Variants in RNF213 observed in about 807,000 individuals in gnomAD.
The protein encoded by RNF213 is E3 ubiquitin-protein ligase RNF213.
Under a neutral mutation model 514.4 loss-of-function variants are expected in RNF213, and 341 were observed. The ratio of observed to expected loss-of-function variants is 0.66; its 90% CI spans 0.61 to 0.73. The LOEUF is 0.73. Ranked by LOEUF, RNF213 falls within the 30% of genes least tolerant of loss-of-function variation. The pLI, the probability that RNF213 is intolerant of heterozygous loss-of-function variation, is 0.00. For missense variants in RNF213, 5,767 were observed against 6,615.6 expected, an observed-to-expected ratio of 0.87 and a Z score of 4.45; for synonymous variants, 2,655 against 2,658.2, an observed-to-expected ratio of 1.00 and a Z score of 0.04.
intron 22 of RNF213, among the ~76,000 whole-genome samples, chr17:80,335,085 C>A (rs2077950027): frequency 6.6e-6 from 1 of 152,158 alleles, no homozygotes; most frequent in East Asian, 1.9e-4. Flanking sequence ...CCACACCCAG[C>A]TACTTTTTTG....
chr17:80,365,912 T>C (rs956588985), intron 42 of RNF213, among the ~76,000 whole-genome samples: 8 of 152,118 alleles, frequency 5.3e-5, no homozygotes, highest in African/African-American at 9.7e-5. Flanking sequence ...CCCACAGGAT[T>C]TGGGAGGTTA....
chr17:80,360,113 G>A lies in RNF213; in HGVS notation c.11107G>A (p.Glu3703Lys), dbSNP rs771794678. ...GGTGCAGAACCACATGAACCTTTCC[G>A]AGAACGCTTCCAACAACGTCCCTTT... The part of the protein sequence containing the change: ...IVVQNHMNLS[E>K]NASNNVPFSW... The change falls in exon 38 of 68, where the codon GAG becomes AAG. Residue 3703 changes from glutamate (E) to lysine (K), a missense_variant. Physicochemically the swap from Glu to Lys is moderately conservative, Grantham distance 56. This residue lies in a region of RNF213 where 919 missense variants were observed against 1,121.0 expected (regional missense o/e 0.82). Coordinates refer to ENST00000582970, the MANE Select transcript of RNF213 (RefSeq NM_001256071.3). The A allele has an allele frequency of 3.7e-6, 6 of 1,614,072 alleles. No individual in the cohort carries two copies. The highest frequency in any genetic ancestry group is 2.2e-5 in the South Asian group (2 of 91,072).
intron 18 of RNF213, 103 bp from the exon 19 acceptor site, chr17:80,327,713 G>A (rs1955293647): frequency 1.0e-6 from 1 of 972,622 alleles, no homozygotes; most frequent in Non-Finnish European, 1.5e-6. Flanking sequence ...TGTGTTTGAG[G>A]AAGTGGGGGC....
Position 80,356,396 on chromosome 17 carries a change from C to T in RNF213, c.10862+1820C>T, listed in dbSNP as rs550439607. Among the ~76,000 whole-genome samples, 17 of 152,364 alleles carry T rather than the reference C, an allele frequency of 1.1e-4. No individual in the cohort carries two copies. The South Asian group carries it at 3.1e-3, about 28-fold the overall frequency. On this transcript the variant is annotated intron_variant, in intron 36 of 67. Transcript: ENST00000582970. ...GCTCTTCCCCACTCTGCTGTTCACG[C>T]AGCACTAGGCCTGGCTCCGTCGTGT...
intron 60 of RNF213, 28 bp from the exon 61 acceptor site, chr17:80,385,510 G>T: frequency 1.2e-6 from 2 of 1,606,264 alleles, no homozygotes; most frequent in African/African-American, 1.3e-5. Context: ...GCTATCATAC[G>T]GTTCTTACCA....
At chr17:80,302,170 CA>C (rs1240608868) in intron 11 of RNF213, among the ~76,000 whole-genome samples, 1 of 152,074 alleles carries the variant, frequency 6.6e-6, no homozygotes, top group Non-Finnish European at 1.5e-5. Context: ...CTAGTGGATA[CA>C]AAAGTATGGC....
At chr17:80,273,156 T>C (rs552852898) in intron 2 of RNF213, 85 bp from the exon 3 acceptor site, 2 of 1,542,994 alleles carry the variant, frequency 1.3e-6, no homozygotes, top group Non-Finnish European at 8.9e-7. Flanking sequence ...AATCTCTCCA[T>C]GCACTCGTGG....
chr17:80,376,962 C>T lies in RNF213; in HGVS notation c.13509C>T (p.Tyr4503=), dbSNP rs147452490. 7 of 1,612,332 alleles carry T rather than the reference C, an allele frequency of 4.3e-6. No homozygotes were observed. The highest frequency in any genetic ancestry group is 5.9e-6 in the Non-Finnish European group (7 of 1,178,530). ...RWKGLERVHW[Y]TCPNGHPCSV... is the part of the protein sequence containing the mutation. Reference sequence around the variant, plus strand: ...AGGGTCTGGAGCGAGTCCACTGGTACAGTAAGTGTTGGGGTCTAGATGACC... The same window carrying T: ...AGGGTCTGGAGCGAGTCCACTGGTATAGTAAGTGTTGGGGTCTAGATGACC... Residue 4503 remains tyrosine, a splice_region_variant and synonymous_variant, in exon 53 of 68, where the codon TAC becomes TAT. Coordinates refer to ENST00000582970, the MANE Select transcript of RNF213 (RefSeq NM_001256071.3).
intron 15 of RNF213, among the ~76,000 whole-genome samples, chr17:80,314,307 A>G (rs1198266766): frequency 1.9e-4 from 10 of 51,624 alleles, no homozygotes; most frequent in South Asian, 1.9e-3. Flanking sequence ...GGTGGACGTG[A>G]TGGTGGAGGT....
intron 64 of RNF213, chr17:80,388,917 T>C (rs1008293644): frequency 1.4e-5 from 9 of 623,764 alleles, no homozygotes; most frequent in Middle Eastern, 4.2e-4. Flanking sequence ...TGTTGATGCA[T>C]GGCCATGCCT....
At chr17:80,277,595 C>CAAA (rs34659718) in intron 3 of RNF213, among the ~76,000 whole-genome samples, 28 of 69,662 alleles carry the variant, frequency 4.0e-4, no homozygotes, top group East Asian at 7.7e-4. Flanking sequence ...GACTCTGTCT[C>CAAA]AAAAAAAAAA....
chr17:80,310,892 G>C (rs139845061), intron 14 of RNF213, among the ~76,000 whole-genome samples: 2 of 152,236 alleles, frequency 1.3e-5, no homozygotes, highest in African/African-American at 4.8e-5. Context: ...GAACTGTGAC[G>C]TTAGTGATAG....
chr17:80,273,437 C>G (rs780660287), intron 3 of RNF213, 33 bp downstream of exon 3: 10 of 1,609,156 alleles, frequency 6.2e-6, no homozygotes, highest in Non-Finnish European at 8.5e-6. Flanking sequence ...CCTCCGCCCC[C>G]GCTCACTCTG....
intron 63 of RNF213, among the ~76,000 whole-genome samples, chr17:80,387,864 C>T (rs1452215313): frequency 6.6e-6 from 1 of 152,172 alleles, no homozygotes; most frequent in Non-Finnish European, 1.5e-5. Flanking sequence ...TTTGACTGGA[C>T]GCACTTGTTC....
intron 46 of RNF213, 34 bp from the exon 47 acceptor site, chr17:80,371,840 G>T: frequency 9.0e-7 from 1 of 1,114,108 alleles, no homozygotes; most frequent in South Asian, 1.3e-5. Context: ...CTCCAGATCT[G>T]AGAGAACCAG....
chr17:80,377,022 G>T lies in RNF213; in HGVS notation c.13510+59G>T. 1 of 1,357,434 alleles carries T rather than the reference G, an allele frequency of 7.4e-7. No homozygotes were observed. Among genetic ancestry groups the T allele is most frequent in the Non-Finnish European group, 1.0e-6 (1 of 954,302 alleles). The allele number at this position is 1,357,434 out of a possible 1,614,324, so 84.1% of individuals were successfully genotyped here. On this transcript the variant is annotated intron_variant, in intron 53 of 67. Transcript: ENST00000582970. This position sits in a 1 kb window ranked among gnomAD's most constrained non-coding sequence, Gnocchi z 4.1. Reference sequence around the variant, plus strand: ...TTTGAGCTTCAAAGGGTGTCCAGATGCTATGAAGCATTGGGTTCGACTTGG... The same window carrying T: ...TTTGAGCTTCAAAGGGTGTCCAGATTCTATGAAGCATTGGGTTCGACTTGG...
At chr17:80,325,794 G>A (rs923265337) in intron 18 of RNF213, among the ~76,000 whole-genome samples, 4 of 152,100 alleles carry the variant, frequency 2.6e-5, no homozygotes, top group African/African-American at 7.2e-5. Context: ...ATCTTTCAGT[G>A]AGAAGGCGCT....
In RNF213 at chr17:80,339,899, C is replaced by T; in HGVS notation, c.5532C>T (p.Ala1844=). 1 of 1,537,030 alleles carries T rather than the reference C, an allele frequency of 6.5e-7. No individual in the cohort carries two copies. Among genetic ancestry groups the T allele is most frequent in the Non-Finnish European group, 8.7e-7 (1 of 1,146,898 alleles). Residue 1844 remains alanine (A), a synonymous_variant, in exon 26 of 68, where the codon GCC becomes GCT. Coordinates refer to ENST00000582970, the MANE Select transcript of RNF213 (RefSeq NM_001256071.3). ...GCCACTCCGAGGTGTTGCCAGCCGC[C>T]CTGGCTGTCTACATGCAAACCCCAA... The part of the protein sequence containing the change: ...VCGHSEVLPA[A]LAVYMQTPSQ...
At chr17:80,391,095 T>C (rs1193132360) in intron 67 of RNF213, among the ~76,000 whole-genome samples, 1 of 152,132 alleles carries the variant, frequency 6.6e-6, no homozygotes, top group African/African-American at 2.4e-5. Context: ...GAAAAAGCTA[T>C]ACCAATGTAT....
Sources: allele counts gnomAD v4.1 joint callset (sites outside exome capture counted in the v4.1 genomes callset), GRCh38; gene constraint gnomAD v4.1.1; regional missense constraint gnomAD v4.1.1; non-coding constraint Gnocchi (gnomAD v3.1); transcripts MANE v1.5; gene names NCBI Gene and HGNC (gene_info 2026-07-23, HGNC 2026-07-21).